RPS6KC1: variants seen among roughly 807,000 people sequenced by gnomAD.
RPS6KC1 encodes inactive ribosomal protein S6 kinase delta-1.
In RPS6KC1, 54 loss-of-function variants were observed where a neutral mutation model predicts 103.8. The ratio of observed to expected loss-of-function variants is 0.52; its 90% CI spans 0.42 to 0.65. The LOEUF (loss-of-function observed/expected upper bound fraction) is 0.65. RPS6KC1 is among the 30% of genes least tolerant of loss of function. The pLI is 0.00. For synonymous variants in RPS6KC1, 439 were observed against 438.7 expected, an observed-to-expected ratio of 1.00 and a Z score of -0.01; for missense variants, 1,151 against 1,253.8, an observed-to-expected ratio of 0.92 and a Z score of 1.24.
At chr1:213,785,814 A>G in the RPS6KC1 span, among the ~76,000 whole-genome samples, 1 of 152,190 alleles carries the variant, frequency 6.6e-6, no homozygotes, top group Admixed American at 6.5e-5. Context: ...GTAACACCTT[A>G]TACTGTGTTT....
chr1:213,314,885 A>G, the RPS6KC1 span, among the ~76,000 whole-genome samples: 7 of 152,290 alleles, frequency 4.6e-5, no homozygotes, highest in East Asian at 1.2e-3. Flanking sequence ...CGAGAGGTGG[A>G]TAGAATGGCT....
the RPS6KC1 span, among the ~76,000 whole-genome samples, chr1:213,718,621 G>T: frequency 6.6e-6 from 1 of 152,186 alleles, no homozygotes; most frequent in African/African-American, 2.4e-5. Context: ...TTTTCCAAAG[G>T]GGAGACTAAG....
At chr1:213,320,537 C>T in the RPS6KC1 span, among the ~76,000 whole-genome samples, 1 of 152,188 alleles carries the variant, frequency 6.6e-6, no homozygotes, top group African/African-American at 2.4e-5. Context: ...CTGCCCTGTG[C>T]AAATCTATTT....
At chr1:213,605,554 T>C in the RPS6KC1 span, among the ~76,000 whole-genome samples, 1 of 152,258 alleles carries the variant, frequency 6.6e-6, no homozygotes, top group Non-Finnish European at 1.5e-5. Flanking sequence ...TGTACTGATC[T>C]GGGCTCTTTG....
intron 12 of RPS6KC1, among the ~76,000 whole-genome samples, chr1:213,258,237 C>T (rs975674615): frequency 1.9e-4 from 29 of 152,072 alleles, no homozygotes; most frequent in African/African-American, 6.5e-4. Flanking sequence ...CTCCCAAGTG[C>T]TGGGATTACA....
the RPS6KC1 span, among the ~76,000 whole-genome samples, chr1:213,598,589 A>G: frequency 6.6e-6 from 1 of 152,220 alleles, no homozygotes. Flanking sequence ...CCGGAAAAAT[A>G]TGAATCTGGG....
the RPS6KC1 span, chr1:213,835,848 C>G: frequency 6.6e-6 from 1 of 152,264 alleles, no homozygotes; most frequent in Admixed American, 6.5e-5. Flanking sequence ...TCCCTTTTAA[C>G]TCACATCACG....
chr1:213,137,485 C>T (rs1412781219), intron 6 of RPS6KC1, among the ~76,000 whole-genome samples: 1 of 151,674 alleles, frequency 6.6e-6, no homozygotes, highest in African/African-American at 2.4e-5. Flanking sequence ...AGGCATGTGC[C>T]ACCACGCCTG....
At chr1:213,346,726 G>T in the RPS6KC1 span, among the ~76,000 whole-genome samples, 1 of 152,068 alleles carries the variant, frequency 6.6e-6, no homozygotes, top group Admixed American at 6.6e-5. Flanking sequence ...CATAAAAACT[G>T]TATGTGCACA....
chr1:213,097,206 T>A (rs2081544754), intron 3 of RPS6KC1, among the ~76,000 whole-genome samples: 1 of 152,094 alleles, frequency 6.6e-6, no homozygotes, highest in Non-Finnish European at 1.5e-5. Flanking sequence ...ATACAAAAGT[T>A]AGCCAGGCAT....
the RPS6KC1 span, among the ~76,000 whole-genome samples, chr1:213,458,175 A>G: frequency 6.6e-6 from 1 of 152,122 alleles, no homozygotes; most frequent in Non-Finnish European, 1.5e-5. Flanking sequence ...ACAAGTCACT[A>G]GTATCTATTA....
chr1:213,448,343 G>A, the RPS6KC1 span, among the ~76,000 whole-genome samples: 70 of 152,108 alleles, frequency 4.6e-4, no homozygotes, highest in Non-Finnish European at 6.9e-4. Flanking sequence ...TCTAGATGAC[G>A]GATGGAAGCA....
chr1:213,292,064 C>A, the RPS6KC1 span, among the ~76,000 whole-genome samples: 2 of 151,026 alleles, frequency 1.3e-5, no homozygotes, highest in African/African-American at 2.4e-5. Context: ...AACACATAGA[C>A]ACAGGAAGGG....
At chr1:213,052,884 G>A (rs2077062448) in intron 1 of RPS6KC1, among the ~76,000 whole-genome samples, 1 of 152,152 alleles carries the variant, frequency 6.6e-6, no homozygotes, top group African/African-American at 2.4e-5. Context: ...TTGGGGCATG[G>A]GAGTGGCACG....
the RPS6KC1 span, among the ~76,000 whole-genome samples, chr1:213,598,581 G>A: frequency 2.1e-4 from 32 of 152,166 alleles, no homozygotes; most frequent in African/African-American, 7.2e-5. Flanking sequence ...AAACTCTCCC[G>A]GAAAAATATG....
At chr1:213,830,629 A>G in the RPS6KC1 span, among the ~76,000 whole-genome samples, 17 of 151,452 alleles carry the variant, frequency 1.1e-4, no homozygotes, top group African/African-American at 4.1e-4. Flanking sequence ...TGCAAGAGGC[A>G]TAGCTTTTAA....
At chr1:213,117,763 CT>C (rs2083834332) in intron 5 of RPS6KC1, among the ~76,000 whole-genome samples, 1 of 151,660 alleles carries the variant, frequency 6.6e-6, no homozygotes. Context: ...TGGCTCATGC[CT>C]GTAATCCCTG....
At chr1:213,272,376 C>T (rs2095065830) in intron 14 of RPS6KC1, 148 bp from the exon 15 acceptor site, 2 of 626,324 alleles carry the variant, frequency 3.2e-6, no homozygotes, top group East Asian at 3.0e-5. Flanking sequence ...TTAGACATAG[C>T]TCCCTTTCAA....
At chr1:213,346,488 C>T in the RPS6KC1 span, among the ~76,000 whole-genome samples, 1 of 151,662 alleles carries the variant, frequency 6.6e-6, no homozygotes, top group Non-Finnish European at 1.5e-5. Flanking sequence ...AATGAAGATA[C>T]AGAAGTATAA....
Sources: gnomAD v4.1 joint callset for allele counts (sites outside exome capture counted in the v4.1 genomes callset) on GRCh38, gnomAD v4.1.1 for gene constraint, MANE v1.5 for transcripts, NCBI Gene and HGNC (gene_info 2026-07-23, HGNC 2026-07-21) for gene names.